The following ACAP2 variants were observed in gnomAD, a reference collection of about 807,000 sequenced individuals.
ACAP2 encodes arf-GAP with coiled-coil, ANK repeat and PH domain-containing protein 2.
A neutral mutation model predicts 115.8 loss-of-function variants in ACAP2; 39 were observed. The observed-to-expected ratio is 0.34, with a 90% CI of 0.26 to 0.44. The LOEUF is 0.44. Ranked by LOEUF, ACAP2 falls within the 20% of genes least tolerant of loss-of-function variation. The probability of loss-of-function intolerance (pLI) is 1.00; values close to 1 mark genes in which losing one functional copy is unlikely to be tolerated. For missense variants in ACAP2, 662 were observed against 927.6 expected, an observed-to-expected ratio of 0.71 and a Z score of 3.72; for synonymous variants, 289 against 315.8, an observed-to-expected ratio of 0.92 and a Z score of 0.90.
chr3:195,381,069 G>A lies in ACAP2; in HGVS notation c.232-7C>T. On this transcript the variant is annotated splice_region_variant and splice_polypyrimidine_tract_variant and intron_variant, in intron 3 of 22. Coordinates refer to ENST00000326793, the MANE Select transcript of ACAP2 (RefSeq NM_012287.6). ...AAAACTTGGTCAAACTTGTCTATGA[G>A]AAAAAAAGCAAAAGAAAACCAAATC... 2 of 1,587,460 alleles carry A rather than the reference G, an allele frequency of 1.3e-6. No homozygotes were observed. The highest frequency in any genetic ancestry group is 1.4e-5 in the African/African-American group (1 of 73,030).
At chr3:195,286,918 C>T (rs1331937876) in intron 21 of ACAP2, among the ~76,000 whole-genome samples, 2 of 152,236 alleles carry the variant, frequency 1.3e-5, no homozygotes, top group South Asian at 2.1e-4. Context: ...AATAACTTAT[C>T]TTTCTTCTAC....
At chr3:195,378,376 C>T (rs1733711563) in intron 4 of ACAP2, among the ~76,000 whole-genome samples, 2 of 152,150 alleles carry the variant, frequency 1.3e-5, no homozygotes, top group South Asian at 4.1e-4. Flanking sequence ...CCTATAGTCC[C>T]AGCTACTCCA....
chr3:195,291,735 C>T lies in ACAP2; in HGVS notation c.2034G>A (p.Leu678=), dbSNP rs2108924610. Residue 678 remains leucine, a synonymous_variant, in exon 20 of 23, where the codon TTG becomes TTA. Coordinates refer to ENST00000326793, the MANE Select transcript of ACAP2 (RefSeq NM_012287.6). ...TGTGCCCTAAGACGGTGGCATGGTG[C>T]AATGGTCCCCGCCCTTGGACATCTC... ...NQRDVQGRGP[L]HHATVLGHTG... 1 of 1,614,032 alleles carries T rather than the reference C, an allele frequency of 6.2e-7. No individual in the cohort carries two copies. The highest frequency in any genetic ancestry group is 2.2e-5 in the East Asian group (1 of 44,860).
chr3:195,320,859 T>A (rs1456336524), intron 9 of ACAP2, 46 bp from the exon 10 acceptor site: 2 of 1,308,906 alleles, frequency 1.5e-6, no homozygotes, highest in African/African-American at 2.9e-5. Context: ...TTGACTAAGT[T>A]TCCTAGACAA....
At chr3:195,323,027 A>T (rs1333530618) in intron 9 of ACAP2, among the ~76,000 whole-genome samples, 1 of 152,232 alleles carries the variant, frequency 6.6e-6, no homozygotes, top group Non-Finnish European at 1.5e-5. Context: ...GACTGAGTGA[A>T]AACTGGAATT....
At chr3:195,348,602 A>G (rs1390833162) in intron 4 of ACAP2, among the ~76,000 whole-genome samples, 1 of 152,232 alleles carries the variant, frequency 6.6e-6, no homozygotes, top group African/African-American at 2.4e-5. Context: ...TAATGACATA[A>G]GAATACATAG....
chr3:195,352,828 C>T (rs1242062763), intron 4 of ACAP2, among the ~76,000 whole-genome samples: 1 of 152,276 alleles, frequency 6.6e-6, no homozygotes, highest in East Asian at 1.9e-4. Flanking sequence ...GATGCAGTGT[C>T]TCAGCACTTT....
At chr3:195,340,491 A>G (rs61512097) in intron 6 of ACAP2, among the ~76,000 whole-genome samples, 7 of 152,232 alleles carry the variant, frequency 4.6e-5, no homozygotes, top group African/African-American at 1.4e-4. Context: ...ACAATAAAGT[A>G]AGAAAAGAAA....
intron 4 of ACAP2, among the ~76,000 whole-genome samples, chr3:195,376,059 C>A (rs1474432963): frequency 6.6e-6 from 1 of 152,064 alleles, no homozygotes; most frequent in African/African-American, 2.4e-5. Context: ...GCATACCTGA[C>A]CTGCTCTGAA....
In ACAP2 at chr3:195,356,975, G is replaced by A. The variant is rs1045202849; in HGVS notation, c.286-11658C>T. 4.6e-5 allele frequency among the ~76,000 whole-genome samples: 7 copies of A among 151,962 alleles called. No individual in the cohort carries two copies. In the East Asian group the frequency reaches 1.4e-3, roughly 30 times the overall value. ...GGAAAAATAAAGGGGATTTTGTCTT[G>A]CAGATTAGGTACCACCTCAAACATA... On this transcript the variant is annotated intron_variant, in intron 4 of 22. Coordinates refer to ENST00000326793, the MANE Select transcript of ACAP2 (RefSeq NM_012287.6).
At chr3:195,401,319 A>G (rs1426892088) in intron 1 of ACAP2, among the ~76,000 whole-genome samples, 2 of 152,152 alleles carry the variant, frequency 1.3e-5, no homozygotes, top group African/African-American at 2.4e-5. Context: ...ACATCTTCCT[A>G]TGTTTTATAA....
chr3:195,311,532 T>G (rs114693006), intron 10 of ACAP2, among the ~76,000 whole-genome samples: 3,495 of 152,168 alleles, frequency 0.023, 136 homozygotes, highest in African/African-American at 0.079. Flanking sequence ...CAGTTTTCTG[T>G]TTTGTTTTTT....
intron 1 of ACAP2, among the ~76,000 whole-genome samples, chr3:195,426,077 A>C (rs1306409471): frequency 6.6e-6 from 1 of 152,214 alleles, no homozygotes; most frequent in Admixed American, 6.5e-5. Flanking sequence ...CTACAGATGA[A>C]TTATAATGCC....
intron 6 of ACAP2, among the ~76,000 whole-genome samples, chr3:195,337,975 C>T (rs933460030): frequency 6.6e-6 from 1 of 152,174 alleles, no homozygotes; most frequent in South Asian, 2.1e-4. Flanking sequence ...GGGGCCACTC[C>T]CACCTCAATG....
At chr3:195,334,186 C>G (rs548268565) in intron 7 of ACAP2, among the ~76,000 whole-genome samples, 11 of 149,522 alleles carry the variant, frequency 7.4e-5, no homozygotes, top group Non-Finnish European at 1.3e-4. Flanking sequence ...TCATAAAGTC[C>G]TTAATACTCA....
chr3:195,386,214 T>C (rs1044174124), intron 2 of ACAP2, among the ~76,000 whole-genome samples: 33 of 152,270 alleles, frequency 2.2e-4, no homozygotes, highest in Non-Finnish European at 3.7e-4. Flanking sequence ...GTAGATTAGG[T>C]TGCCAGAAGA....
chr3:195,425,678 ACT>A (rs1318106090), intron 1 of ACAP2, among the ~76,000 whole-genome samples: 1 of 151,930 alleles, frequency 6.6e-6, no homozygotes, highest in Non-Finnish European at 1.5e-5. Context: ...AAAAAATATA[ACT>A]CTTGACTTTT....
intron 1 of ACAP2, among the ~76,000 whole-genome samples, chr3:195,396,205 C>A (rs1427330074): frequency 6.6e-6 from 1 of 151,096 alleles, no homozygotes; most frequent in Admixed American, 6.6e-5. Context: ...GAGCTGAGAT[C>A]GCGCCACTGC....
At chr3:195,323,923 T>C (rs558238222) in intron 9 of ACAP2, among the ~76,000 whole-genome samples, 59 of 152,332 alleles carry the variant, frequency 3.9e-4, no homozygotes, top group Admixed American at 2.0e-3. Context: ...ATAGGATTGT[T>C]TGTAACACAA....
Sources: gnomAD v4.1 joint callset for allele counts (sites outside exome capture counted in the v4.1 genomes callset) on GRCh38, gnomAD v4.1.1 for gene constraint, MANE v1.5 for transcripts, NCBI Gene and HGNC (gene_info 2026-07-23, HGNC 2026-07-21) for gene names.